The following TDRD6 variants were observed in gnomAD, a reference collection of about 807,000 sequenced individuals.
TDRD6 encodes tudor domain-containing protein 6.
Under a neutral mutation model 157.5 loss-of-function variants are expected in TDRD6, and 186 were observed. The ratio of observed to expected loss-of-function variants is 1.18; its 90% confidence interval spans 1.05 to 1.33. The LOEUF is 1.33. Ranked by LOEUF, TDRD6 falls within the 40% of genes most tolerant of loss-of-function variation. The pLI is 0.00. For missense variants in TDRD6, 3,066 were observed against 2,508.0 expected, an observed-to-expected ratio of 1.22 and a Z score of -4.75; for synonymous variants, 1,075 against 945.2, an observed-to-expected ratio of 1.14 and a Z score of -2.52.
At chr6:46,698,289 T>C (rs1764544609) in intron 3 of TDRD6, among the ~76,000 whole-genome samples, 1 of 152,198 alleles carries the variant, frequency 6.6e-6, no homozygotes, top group Non-Finnish European at 1.5e-5. Flanking sequence ...ATTAATGTTT[T>C]ACTCCTTGAT....
chr6:46,690,194 A>G lies in TDRD6; in HGVS notation c.2066A>G (p.Asn689Ser). 1.2e-6 allele frequency: 2 copies of G among 1,613,838 alleles called. No individual in the cohort carries two copies. The highest frequency in any genetic ancestry group is 1.7e-6 in the Non-Finnish European group (2 of 1,180,010). The change falls in exon 1 of 4, where the codon AAC becomes AGC. Residue 689 changes from asparagine (N) to serine (S), a missense_variant. Asn to Ser is a conservative substitution (Grantham distance 46). Coordinates refer to ENST00000316081, the MANE Select transcript of TDRD6 (RefSeq NM_001010870.3). ...GCCCACTCCCCAGGGCATGTTTCAA[A>G]CCACTTTACTACGGAGAGTAACAAA... The part of the protein sequence containing the change: ...VNAHSPGHVS[N>S]HFTTESNKIP...
Position 46,690,002 on chromosome 6 carries a change from T to C in TDRD6, c.1874T>C (p.Leu625Pro). ...GTTTCCTTTTTTAAAAAGACTGTGC[T>C]CCACAAAGAATTAGTCATCCATATT... ...EAVSFFKKTV[L>P]HKELVIHILD... Residue 625 changes from leucine (L) to proline (P), a missense_variant, in exon 1 of 4, where the codon CTC becomes CCC. Physicochemically the swap from Leu to Pro is moderately conservative, Grantham distance 98. Transcript: ENST00000316081. 1 of 1,613,732 alleles carries C rather than the reference T, an allele frequency of 6.2e-7. No homozygotes were observed. The highest frequency in any genetic ancestry group is 8.5e-7 in the Non-Finnish European group (1 of 1,179,818).
In TDRD6 at chr6:46,689,749, G is replaced by A. The variant is rs769063774; in HGVS notation, c.1621G>A (p.Asp541Asn). 2 of 1,614,066 alleles carry A rather than the reference G, an allele frequency of 1.2e-6. No individual in the cohort carries two copies. Among genetic ancestry groups the A allele is most frequent in the African/African-American group, 2.7e-5 (2 of 74,906 alleles). The stretch of plus-strand genomic sequence containing the variant: ...TGTAGTTTTGAAACCTGAACCTGAT[G>A]ACCTTTGCTGTGTCAAGTGGAAAGA... ...DGVVLKPEPD[D>N]LCCVKWKENG... Residue 541 changes from aspartate (D) to asparagine (N), a missense_variant, in exon 1 of 4, where the codon GAC (aspartate) becomes AAC (asparagine). By Grantham distance (23) the Asp-to-Asn change is conservative. Coordinates refer to ENST00000316081, the MANE Select transcript of TDRD6 (RefSeq NM_001010870.3).
upstream of TDRD6, among the ~76,000 whole-genome samples, chr6:46,684,759 G>A (rs1166514882): frequency 6.6e-6 from 1 of 151,894 alleles, no homozygotes; most frequent in Non-Finnish European, 1.5e-5. Flanking sequence ...TTTACCCATC[G>A]AAGGGCATTT....
chr6:46,689,658 T>G lies in TDRD6; in HGVS notation c.1530T>G (p.Asn510Lys). Residue 510 changes from asparagine (N) to lysine (K), a missense_variant, in exon 1 of 4, where the codon AAT becomes AAG. Physicochemically the swap from Asn to Lys is moderately conservative, Grantham distance 94 (BLOSUM62 0). Transcript: ENST00000316081. ...SEFWIRLRKHNVTFSKLMRRM... is the reference protein window; with the variant it reads ...SEFWIRLRKHKVTFSKLMRRM... ...TTTGGATTAGGTTGAGGAAACACAA[T>G]GTCACCTTCAGTAAGCTGATGAGGA... The G allele has an allele frequency of 6.2e-7, 1 of 1,614,236 alleles. No individual in the cohort carries two copies. The highest frequency in any genetic ancestry group is 8.5e-7 in the Non-Finnish European group (1 of 1,180,038).
In TDRD6 at chr6:46,688,739, T is replaced by A; in HGVS notation, c.611T>A (p.Leu204His). The change falls in exon 1 of 4, where the codon CTC (leucine) becomes CAC (histidine). Residue 204 changes from leucine to histidine, a missense_variant. Leu to His is a moderately conservative substitution (Grantham distance 99). Coordinates refer to ENST00000316081, the MANE Select transcript of TDRD6 (RefSeq NM_001010870.3). ...LGLARRVPDS[L>H]FRSLLERYLT... ...CTGGCTCGGCGGGTGCCCGACAGCC[T>A]CTTCCGTTCGCTGCTGGAGCGCTAT... is the stretch of plus-strand genomic sequence containing the variant. 1 of 1,600,566 alleles carries A rather than the reference T, an allele frequency of 6.2e-7. No individual in the cohort carries two copies. Among genetic ancestry groups the A allele is most frequent in the Non-Finnish European group, 8.5e-7 (1 of 1,179,178 alleles).
rs777743224 is a variant in TDRD6 at position 46,689,627 on chromosome 6, C to T, written c.1499C>T (p.Ser500Phe). 5 of 1,614,160 alleles carry T rather than the reference C, an allele frequency of 3.1e-6. No individual in the cohort carries two copies. Among genetic ancestry groups the T allele is most frequent in the Non-Finnish European group, 3.4e-6 (4 of 1,180,034 alleles). Reference sequence around the variant, plus strand: ...CAGGTAGAGTTTGTTAAAAATCCTTCTGAGTTTTGGATTAGGTTGAGGAAA... The same window carrying T: ...CAGGTAGAGTTTGTTAAAAATCCTTTTGAGTTTTGGATTAGGTTGAGGAAA... ...DAQVEFVKNP[S>F]EFWIRLRKHN... Residue 500 changes from serine to phenylalanine, a missense_variant, in exon 1 of 4, where the codon TCT becomes TTT. Physicochemically the swap from Ser to Phe is radical, Grantham distance 155. Transcript: ENST00000316081.
intron 3 of TDRD6, among the ~76,000 whole-genome samples, chr6:46,699,841 C>T (rs749162159): frequency 6.6e-6 from 1 of 152,140 alleles, no homozygotes; most frequent in Non-Finnish European, 1.5e-5. Context: ...TTATAGTCAG[C>T]TTATTCCATC....
chr6:46,704,234 T>A lies in TDRD6; in HGVS notation c.*2347T>A. The A allele has an allele frequency of 3.6e-6, 1 of 277,772 alleles. No individual in the cohort carries two copies. Among genetic ancestry groups the A allele is most frequent in the Non-Finnish European group, 7.0e-6 (1 of 142,972 alleles). 17.2% of individuals were successfully genotyped at this position (277,772 alleles called of 1,614,324 possible). A position where few individuals can be genotyped will look rare whatever the true frequency, so the allele number is the denominator to read the frequency against. On this transcript the variant is annotated 3_prime_UTR_variant, in exon 4 of 4. Coordinates refer to ENST00000316081, the MANE Select transcript of TDRD6 (RefSeq NM_001010870.3). ...GGGATTTTGCCTGTTTTAATCTACT[T>A]GTCTGTCAAAGTAATGTAAAAACAG...
Position 46,695,805 on chromosome 6 carries a change from C to A in TDRD6, c.6047-16C>A. 1 of 1,610,100 alleles carries A rather than the reference C, an allele frequency of 6.2e-7. No individual in the cohort carries two copies. Among genetic ancestry groups the A allele is most frequent in the South Asian group, 1.1e-5 (1 of 90,122 alleles). On this transcript the variant is annotated splice_polypyrimidine_tract_variant and intron_variant, in intron 1 of 3. Coordinates refer to ENST00000316081, the MANE Select transcript of TDRD6 (RefSeq NM_001010870.3). The stretch of plus-strand genomic sequence containing the variant: ...TAAGAGATATGCATTGAGTCTTACT[C>A]AATTCAATTTGGCAGCTCAACTACA...
Position 46,688,485 on chromosome 6 carries a change from C to T in TDRD6, c.357C>T (p.Phe119=), listed in dbSNP as rs772667339. Reference sequence around the variant, plus strand: ...CGCTGGCGCCTGGGCGCAGAGAGTTCTTCAATTTGCCCTCGGAAGTGCTGG... The same window carrying T: ...CGCTGGCGCCTGGGCGCAGAGAGTTTTTCAATTTGCCCTCGGAAGTGCTGG... ...AGSLAPGRRE[F]FNLPSEVLGC... The change falls in exon 1 of 4, where the codon TTC becomes TTT. Residue 119 remains phenylalanine (F), a synonymous_variant. Transcript: ENST00000316081. 2 of 1,553,454 alleles carry T rather than the reference C, an allele frequency of 1.3e-6. No homozygotes were observed.
chr6:46,680,737 C>G, the TDRD6 span, among the ~76,000 whole-genome samples: 1 of 152,196 alleles, frequency 6.6e-6, no homozygotes, highest in East Asian at 1.9e-4. Context: ...ATACCTGTAC[C>G]CTACCTCCTT....
intron 2 of TDRD6, among the ~76,000 whole-genome samples, chr6:46,697,513 T>C (rs1007408072): frequency 1.3e-5 from 2 of 152,356 alleles, no homozygotes; most frequent in African/African-American, 4.8e-5. Flanking sequence ...ACTCTACATA[T>C]GTTTGGGAAA....
At position 46,702,139 on chromosome 6, in the gene TDRD6, G is replaced by T. The variant is rs138855105; in HGVS notation, c.*252G>T. 259 of 346,854 alleles carry T rather than the reference G, an allele frequency of 7.5e-4. 1 individual carries two copies. Among genetic ancestry groups the T allele is most frequent in the African/African-American group, 4.9e-3 (234 of 47,334 alleles). The allele number at this position is 346,854 out of a possible 1,614,324, so 21.5% of individuals were successfully genotyped here. A position where few individuals can be genotyped will look rare whatever the true frequency, so the allele number is the denominator to read the frequency against. The stretch of plus-strand genomic sequence containing the variant: ...TTGTCTTACGTTTCTAATTAGTTGG[G>T]AGGATTTATTTTGCTAAACAGTTTA... On this transcript the variant is annotated 3_prime_UTR_variant, in exon 4 of 4. Coordinates refer to ENST00000316081, the MANE Select transcript of TDRD6 (RefSeq NM_001010870.3).
At position 46,689,139 on chromosome 6, in the gene TDRD6, C is replaced by T. The variant is rs1764220955; in HGVS notation, c.1011C>T (p.Pro337=). Residue 337 remains proline (P), a synonymous_variant, in exon 1 of 4, where the codon CCC becomes CCT. Transcript: ENST00000316081. ...CACTGTTGCTTGAGACTTTTCGGCCCCAGCGCTGTGCCCAGGTGCTTCATG... is the reference window on the plus strand; with the variant it reads ...CACTGTTGCTTGAGACTTTTCGGCCTCAGCGCTGTGCCCAGGTGCTTCATG... ...YRALLLETFR[P]QRCAQVLHVD... is the part of the protein sequence containing the mutation. 2 of 1,614,038 alleles carry T rather than the reference C, an allele frequency of 1.2e-6. No homozygotes were observed. Among genetic ancestry groups the T allele is most frequent in the Admixed American group, 3.3e-5 (2 of 60,006 alleles).
rs757556549 is a variant in TDRD6 at position 46,691,286 on chromosome 6, TAGTAATAG to T, written c.3161_3168del (p.Val1054GlufsTer10). ...ACTGATGGAAACTGGTATAGGGGCA[TAGTAATAG>T]AGAAAGAGCCAAAGAAAGTCTTCTT... On this transcript the variant is annotated frameshift_variant, in exon 1 of 4. Coordinates refer to ENST00000316081, the MANE Select transcript of TDRD6 (RefSeq NM_001010870.3). LOFTEE classifies it high-confidence loss of function. The T allele has an allele frequency of 5.2e-5, 84 of 1,613,950 alleles. No homozygotes were observed. Among genetic ancestry groups the T allele is most frequent in the Non-Finnish European group, 8.5e-7 (1 of 1,179,954 alleles).
rs781484467 is a variant in TDRD6 at position 46,694,105 on chromosome 6, C to G, written c.5977C>G (p.Pro1993Ala). 11 of 1,606,720 alleles carry G rather than the reference C, an allele frequency of 6.8e-6. No individual in the cohort carries two copies. Among genetic ancestry groups the G allele is most frequent in the Non-Finnish European group, 8.5e-6 (10 of 1,176,584 alleles). The change falls in exon 1 of 4, where the codon CCT becomes GCT. Residue 1993 changes from proline to alanine, a missense_variant. Coordinates refer to ENST00000316081, the MANE Select transcript of TDRD6 (RefSeq NM_001010870.3). The stretch of plus-strand genomic sequence containing the variant: ...CAGGGATGCCATTTCGGCATTGATG[C>G]CTTTGTTCTCTGAGGAAGAAAGCAG... ...KNRDAISALM[P>A]LFSEEESSDG...
At position 46,691,791 on chromosome 6, in the gene TDRD6, C is replaced by A. The variant is rs746356920; in HGVS notation, c.3663C>A (p.Tyr1221Ter). 1 of 1,601,776 alleles carries A rather than the reference C, an allele frequency of 6.2e-7. No homozygotes were observed. Among genetic ancestry groups the A allele is most frequent in the Non-Finnish European group, 8.5e-7 (1 of 1,177,000 alleles). ...ATAAACCTCAGATCAACTCATCATA[C>A]AAGGAACTCAAACTTTTACAAAGTT... is the stretch of plus-strand genomic sequence containing the variant. ...ESYKPQINSS[Y>*]KELKLLQSLT... is the part of the protein sequence containing the mutation. The change falls in exon 1 of 4, where the codon TAC becomes TAA. Residue 1221 changes from tyrosine (Y) to a stop codon, truncating the protein, a stop_gained. Transcript: ENST00000316081. LOFTEE classifies it high-confidence loss of function.
At position 46,703,457 on chromosome 6, in the gene TDRD6, C is replaced by G. The variant is rs752601242; in HGVS notation, c.*1570C>G. On this transcript the variant is annotated 3_prime_UTR_variant, in exon 4 of 4. Transcript: ENST00000316081. The stretch of plus-strand genomic sequence containing the variant: ...GCATTAGGATCAGATTATAGGAAGC[C>G]TTCAATTTCAAGCTGAGTTTAACTC... 1.3e-5 allele frequency: 2 copies of G among 151,882 alleles called. No individual in the cohort carries two copies. The highest frequency in any genetic ancestry group is 2.9e-5 in the Non-Finnish European group (2 of 67,902). The allele number at this position is 151,882 out of a possible 1,614,324, so 9.4% of individuals were successfully genotyped here. A position where few individuals can be genotyped will look rare whatever the true frequency, so the allele number is the denominator to read the frequency against.
Sources: gnomAD v4.1 joint callset for allele counts (sites outside exome capture counted in the v4.1 genomes callset) on GRCh38, gnomAD v4.1.1 for gene constraint, MANE v1.5 for transcripts, NCBI Gene and HGNC (gene_info 2026-07-23, HGNC 2026-07-21) for gene names.